The following PSKH1 variants were observed in gnomAD, a reference collection of about 807,000 sequenced individuals.
PSKH1 encodes protein serine kinase H1.
Under a neutral mutation model 26.7 loss-of-function variants are expected in PSKH1, and 12 were observed. That is an observed-to-expected ratio of 0.45 (90% CI 0.29 to 0.73). The LOEUF is 0.73. Among genes scored for constraint, PSKH1 ranks in the 30% least tolerant of loss-of-function variants. The probability of loss-of-function intolerance (pLI) is 0.11; values close to 1 mark genes in which losing one functional copy is unlikely to be tolerated. For synonymous variants in PSKH1, 213 were observed against 234.3 expected, an observed-to-expected ratio of 0.91 and a Z score of 0.83; for missense variants, 431 against 595.2, an observed-to-expected ratio of 0.72 and a Z score of 2.87.
intron 1 of PSKH1, among the ~76,000 whole-genome samples, chr16:67,900,813 C>T (rs2058139634): frequency 6.6e-6 from 1 of 152,142 alleles, no homozygotes; most frequent in Non-Finnish European, 1.5e-5. Context: ...GTACTTTCTG[C>T]AAGATGACAT....
rs760554211 is a variant in PSKH1, at chr16:67,909,701, G to T, written c.952G>T (p.Gly318Trp). 6.2e-7 allele frequency: 1 copy of T among 1,609,900 alleles called. No individual in the cohort carries two copies. Residue 318 changes from glycine to tryptophan, a missense_variant, in exon 2 of 3, where the codon GGG becomes TGG. Coordinates refer to ENST00000291041, the MANE Select transcript of PSKH1 (RefSeq NM_006742.3). This position sits in a 1 kb window ranked among gnomAD's most constrained non-coding sequence, Gnocchi z 7.8. ...CCTCAGGGGCAAGTACAGTTACTCT[G>T]GGGAGGTGAGTCTGTCCTGCCCCTG... is the stretch of plus-strand genomic sequence containing the variant. ...QILRGKYSYS[G>W]EPWPSVSNLA...
intron 1 of PSKH1, among the ~76,000 whole-genome samples, chr16:67,895,796 T>A (rs1567396139): frequency 6.6e-6 from 1 of 152,236 alleles, no homozygotes; most frequent in East Asian, 1.9e-4. Flanking sequence ...AACTGTTGTC[T>A]CCTTTGTCCA....
intron 1 of PSKH1, among the ~76,000 whole-genome samples, chr16:67,900,821 C>T (rs766314462): frequency 3.3e-4 from 50 of 152,130 alleles, no homozygotes; most frequent in Admixed American, 5.2e-4. Flanking sequence ...TGCAAGATGA[C>T]ATACTGTGAC....
rs2058219139 is a variant in PSKH1 at position 67,927,114 on chromosome 16, C to T, written c.958-211C>T. On this transcript the variant is annotated intron_variant, in intron 2 of 2. Transcript: ENST00000291041. This position sits in a 1 kb window ranked among gnomAD's most constrained non-coding sequence, Gnocchi z 5.5. ...AGAATTTGCTCCCTGGGAGAGTGCACAGGTCCTTTCCTTCCTTGCCAGACT... is the reference window on the plus strand; with the variant it reads ...AGAATTTGCTCCCTGGGAGAGTGCATAGGTCCTTTCCTTCCTTGCCAGACT... Among the ~76,000 whole-genome samples the T allele has an allele frequency of 1.3e-5, 2 of 152,222 alleles. No homozygotes were observed.
At chr16:67,912,209 C>G (rs947808012) in intron 2 of PSKH1, among the ~76,000 whole-genome samples, 1 of 152,138 alleles carries the variant, frequency 6.6e-6, no homozygotes, top group Non-Finnish European at 1.5e-5. Flanking sequence ...TGAATGAGAG[C>G]CTGGGAAGCC....
At chr16:67,912,061 G>T (rs577661912) in intron 2 of PSKH1, among the ~76,000 whole-genome samples, 1 of 152,358 alleles carries the variant, frequency 6.6e-6, no homozygotes, top group East Asian at 1.9e-4. Flanking sequence ...GATGCTTACT[G>T]CAGAGTGGTC....
At chr16:67,901,502 T>G (rs1410012183) in intron 1 of PSKH1, among the ~76,000 whole-genome samples, 1 of 152,030 alleles carries the variant, frequency 6.6e-6, no homozygotes, top group Non-Finnish European at 1.5e-5. Flanking sequence ...TGGCTAATTT[T>G]TTTTGTATTT....
rs114709912 is a variant in PSKH1 at position 67,920,357 on chromosome 16, G to T, written c.958-6968G>T. ...GTTCATTGTAACCTTAAACTCCCGG[G>T]CCCAAACCATCTTCCTGCCTCAGCC... On this transcript the variant is annotated intron_variant, in intron 2 of 2. Transcript: ENST00000291041. Among the ~76,000 whole-genome samples the T allele has an allele frequency of 2.9e-3, 437 of 152,274 alleles. 4 individuals are homozygous for T. Among genetic ancestry groups the T allele is most frequent in the African/African-American group, 0.01 (421 of 41,554 alleles).
At chr16:67,904,715 C>G (rs1158273149) in intron 1 of PSKH1, among the ~76,000 whole-genome samples, 1 of 152,108 alleles carries the variant, frequency 6.6e-6, no homozygotes, top group Non-Finnish European at 1.5e-5. Context: ...CTCCTGCACT[C>G]AAGCTATCCC....
chr16:67,898,927 C>T (rs1273111979), intron 1 of PSKH1, among the ~76,000 whole-genome samples: 1 of 152,118 alleles, frequency 6.6e-6, no homozygotes, highest in Non-Finnish European at 1.5e-5. Flanking sequence ...AGCCGGTAGA[C>T]AGTTTTTCAA....
At chr16:67,897,378 C>T (rs964571973) in intron 1 of PSKH1, among the ~76,000 whole-genome samples, 1 of 152,154 alleles carries the variant, frequency 6.6e-6, no homozygotes, top group Non-Finnish European at 1.5e-5. Context: ...TGGTACAGCC[C>T]TCTGTTGCCA....
At chr16:67,911,967 G>A (rs767590598) in intron 2 of PSKH1, among the ~76,000 whole-genome samples, 5 of 152,228 alleles carry the variant, frequency 3.3e-5, no homozygotes, top group Non-Finnish European at 7.3e-5. Flanking sequence ...AGATCGTTGC[G>A]TAGGAGTCAG....
intron 2 of PSKH1, among the ~76,000 whole-genome samples, chr16:67,926,138 T>G (rs968379013): frequency 1.3e-5 from 2 of 152,064 alleles, no homozygotes; most frequent in Admixed American, 1.3e-4. Context: ...TGTTGAGTCA[T>G]CTGCAGCAGG....
intron 2 of PSKH1, among the ~76,000 whole-genome samples, chr16:67,915,514 C>T (rs1302082987): frequency 6.6e-6 from 1 of 152,128 alleles, no homozygotes; most frequent in Non-Finnish European, 1.5e-5. Flanking sequence ...TCAGGCCCCA[C>T]AAAACCTGTT....
intron 1 of PSKH1, among the ~76,000 whole-genome samples, chr16:67,900,315 T>G (rs1197186698): frequency 6.6e-6 from 1 of 152,144 alleles, no homozygotes; most frequent in Non-Finnish European, 1.5e-5. Context: ...CCAAGGGAGT[T>G]CTGGAAACCT....
chr16:67,901,710 C>T (rs1354902047), intron 1 of PSKH1, among the ~76,000 whole-genome samples: 2 of 151,068 alleles, frequency 1.3e-5, no homozygotes, highest in African/African-American at 4.9e-5. Context: ...ACACAGCACA[C>T]TGCAGCCTCG....
chr16:67,914,809 GT>G (rs2058182572), intron 2 of PSKH1, among the ~76,000 whole-genome samples: 1 of 152,170 alleles, frequency 6.6e-6, no homozygotes, highest in African/African-American at 2.4e-5. Context: ...AGCTGATTGT[GT>G]TCTGGGAGCA....
chr16:67,909,636 C>T lies in PSKH1; in HGVS notation c.887C>T (p.Pro296Leu), dbSNP rs1429770607. The change falls in exon 2 of 3, where the codon CCG becomes CTG. Residue 296 changes from proline to leucine, a missense_variant. Pro to Leu is a moderately conservative substitution (Grantham distance 98, BLOSUM62 -3). Coordinates refer to ENST00000291041, the MANE Select transcript of PSKH1 (RefSeq NM_006742.3). The surrounding 1 kb of genome is among the most constrained non-coding windows in gnomAD (Gnocchi z 7.8). The stretch of plus-strand genomic sequence containing the variant: ...TACATCCTACTCAGTGGCACCATGC[C>T]GTTTGAGGATGACAACCGTACCCGG... ...IAYILLSGTMPFEDDNRTRLY... is the reference protein window; with the variant it reads ...IAYILLSGTMLFEDDNRTRLY... The T allele has an allele frequency of 3.1e-6, 5 of 1,613,958 alleles. No individual in the cohort carries two copies. The highest frequency in any genetic ancestry group is 4.2e-6 in the Non-Finnish European group (5 of 1,180,040).
chr16:67,906,160 C>T (rs1220626685), intron 1 of PSKH1, among the ~76,000 whole-genome samples: 1 of 151,648 alleles, frequency 6.6e-6, no homozygotes, highest in Non-Finnish European at 1.5e-5. Flanking sequence ...CTAACCTCCG[C>T]CTCCCGGGTT....
Sources: allele counts gnomAD v4.1 joint callset (sites outside exome capture counted in the v4.1 genomes callset), GRCh38; gene constraint gnomAD v4.1.1; non-coding constraint Gnocchi (gnomAD v3.1); transcripts MANE v1.5; gene names NCBI Gene and HGNC (gene_info 2026-07-23, HGNC 2026-07-21).